The following SH2B2 variants were observed in gnomAD, a reference collection of about 807,000 sequenced individuals.
The protein encoded by SH2B2 is SH2B adaptor protein 2, also known as SH2B adapter protein 2.
SH2B2 carries 37 observed loss-of-function variants against 35.7 expected under a neutral mutation model. That is an observed-to-expected ratio of 1.04 (90% confidence interval 0.80 to 1.36). SH2B2 has a LOEUF of 1.36. Ranked by LOEUF, SH2B2 falls within the 40% of genes most tolerant of loss-of-function variation. The pLI is 0.00. For synonymous variants in SH2B2, 383 were observed against 376.4 expected (o/e 1.02, Z -0.20); for missense variants, 852 against 817.7 (o/e 1.04, Z -0.51).
chr7:102,290,034 C>T (rs556170142), intron 1 of SH2B2, among the ~76,000 whole-genome samples: 1 of 152,190 alleles, frequency 6.6e-6, no homozygotes, highest in South Asian at 2.1e-4. Context: ...CCCCCACTCC[C>T]TGCTTATCTG....
intron 1 of SH2B2, among the ~76,000 whole-genome samples, chr7:102,290,347 CACCACCTCT>C (rs1419105315): frequency 0.57 from 85,715 of 150,740 alleles, 24,370 homozygotes; most frequent in African/African-American, 0.61. Context: ...CTGCAACCTC[CACCACCTCT>C]GGGGTTCAAG....
intron 4 of SH2B2, among the ~76,000 whole-genome samples, chr7:102,313,456 A>G (rs1020865110): frequency 6.6e-5 from 10 of 151,924 alleles, no homozygotes; most frequent in Non-Finnish European, 1.0e-4. Flanking sequence ...CTCAAAACAA[A>G]CAAACAAACA....
rs781830530 is a variant in SH2B2 at position 102,300,577 on chromosome 7, C to A, written c.27C>A (p.Ala9=). The A allele has an allele frequency of 1.3e-6, 2 of 1,549,150 alleles. No homozygotes were observed. The highest frequency in any genetic ancestry group is 1.7e-6 in the Non-Finnish European group (2 of 1,146,490). The change falls in exon 2 of 9, where the codon GCC becomes GCA. Residue 9 remains alanine, a synonymous_variant. Transcript: ENST00000444095. MNGAGPGP[A]AAAPVPVPVP... ...TGAATGGTGCCGGCCCTGGCCCCGC[C>A]GCAGCCGCCCCGGTCCCAGTCCCGG...
chr7:102,293,622 G>T (rs1792785033), intron 1 of SH2B2, among the ~76,000 whole-genome samples: 1 of 152,100 alleles, frequency 6.6e-6, no homozygotes, highest in Admixed American at 6.5e-5. Context: ...CCCTGGCTGG[G>T]CTTCCTTTGT....
At position 102,306,746 on chromosome 7, in the gene SH2B2, C is replaced by T; in HGVS notation, c.755C>T (p.Pro252Leu). The change falls in exon 3 of 9, where the codon CCA becomes CTA. Residue 252 changes from proline (P) to leucine (L), a missense_variant. Pro to Leu is a moderately conservative substitution (Grantham distance 98). Coordinates refer to ENST00000444095, the MANE Select transcript of SH2B2 (RefSeq NM_001359228.2). ...GCCTCCAGGCCCAAGGTCAGCATCC[C>T]ACTGTCAGCCATCATTGAGGTCCGC... is the stretch of plus-strand genomic sequence containing the variant. ...PKASRPKVSI[P>L]LSAIIEVRTT... 1 of 1,599,246 alleles carries T rather than the reference C, an allele frequency of 6.3e-7. No homozygotes were observed. The highest frequency in any genetic ancestry group is 8.5e-7 in the Non-Finnish European group (1 of 1,173,256).
At chr7:102,296,932 T>C (rs1029581807) in intron 1 of SH2B2, among the ~76,000 whole-genome samples, 7 of 151,712 alleles carry the variant, frequency 4.6e-5, no homozygotes, top group Non-Finnish European at 7.4e-5. Flanking sequence ...TAAACTGTGA[T>C]CTCGCCACTG....
At chr7:102,319,773 C>T (rs1554557884) in intron 7 of SH2B2, among the ~76,000 whole-genome samples, 2 of 152,144 alleles carry the variant, frequency 1.3e-5, no homozygotes, top group Admixed American at 1.3e-4. Context: ...GCACCTGCCT[C>T]ACACAGGCCC....
At chr7:102,318,940 G>A (rs193169622) in intron 7 of SH2B2, among the ~76,000 whole-genome samples, 1 of 152,170 alleles carries the variant, frequency 6.6e-6, no homozygotes, top group Non-Finnish European at 1.5e-5. Flanking sequence ...AGGCTAGGAT[G>A]GGGGAACAAA....
At chr7:102,320,803 G>C (rs933529588) in intron 8 of SH2B2, among the ~76,000 whole-genome samples, 5 of 152,166 alleles carry the variant, frequency 3.3e-5, no homozygotes, top group Admixed American at 2.0e-4. Flanking sequence ...TGGGGCAAGT[G>C]GGATGAAAGG....
intron 6 of SH2B2, among the ~76,000 whole-genome samples, chr7:102,316,561 T>C (rs1701579368): frequency 6.7e-6 from 1 of 150,312 alleles, no homozygotes; most frequent in Non-Finnish European, 1.5e-5. Context: ...CATTCCAGCC[T>C]GGGCAACAGA....
At chr7:102,291,022 G>GCAA (rs1347299040) in intron 1 of SH2B2, among the ~76,000 whole-genome samples, 3 of 152,250 alleles carry the variant, frequency 2.0e-5, no homozygotes, top group Non-Finnish European at 4.4e-5. Context: ...TCACTGGGTA[G>GCAA]CAAGGCAGCT....
In SH2B2 at chr7:102,321,366, C is replaced by G; in HGVS notation, c.1635C>G (p.His545Gln). ...PACWSDSPGQ[H>Q]YFSSLAAAAC... ...GCTGGAGCGACTCGCCCGGCCAGCACTACTTCTCCAGCCTCGCCGCGGCCG... is the reference window on the plus strand; with the variant it reads ...GCTGGAGCGACTCGCCCGGCCAGCAGTACTTCTCCAGCCTCGCCGCGGCCG... The change falls in exon 9 of 9, where the codon CAC becomes CAG. Residue 545 changes from histidine (H) to glutamine (Q), a missense_variant. By Grantham distance (24) the His-to-Gln change is conservative. Coordinates refer to ENST00000444095, the MANE Select transcript of SH2B2 (RefSeq NM_001359228.2). 7.0e-7 allele frequency: 1 copy of G among 1,428,728 alleles called. No individual in the cohort carries two copies. The allele number at this position is 1,428,728 out of a possible 1,614,324, so 88.5% of individuals were successfully genotyped here.
chr7:102,306,589 T>G, intron 2 of SH2B2, 132 bp from the exon 3 acceptor site: 1 of 666,580 alleles, frequency 1.5e-6, no homozygotes, highest in Non-Finnish European at 2.7e-6. Flanking sequence ...GAAATGGGGA[T>G]TGGGATACCT....
In SH2B2 at chr7:102,308,894, G is replaced by T; in HGVS notation, c.911G>T (p.Cys304Phe). Residue 304 changes from cysteine (C) to phenylalanine (F), a missense_variant, in exon 4 of 9, where the codon TGC (cysteine) becomes TTC (phenylalanine). By Grantham distance (205) the Cys-to-Phe change is radical (BLOSUM62 -2). Transcript: ENST00000444095. ...TCGTGGGTAGCTGACATCCAGGGCT[G>T]CGTGGACCCCGGGTGAGTGTCCAAG... ...KHSWVADIQG[C>F]VDPGDSEEDT... is the part of the protein sequence containing the mutation. 6.2e-7 allele frequency: 1 copy of T among 1,613,512 alleles called. No individual in the cohort carries two copies. The highest frequency in any genetic ancestry group is 8.5e-7 in the Non-Finnish European group (1 of 1,179,718).
At chr7:102,315,299 T>C (rs981308865) in intron 6 of SH2B2, among the ~76,000 whole-genome samples, 6 of 152,142 alleles carry the variant, frequency 3.9e-5, no homozygotes, top group Admixed American at 3.9e-4. Context: ...GCCAGGAGTT[T>C]GAGACTAGCC....
chr7:102,317,698 C>T (rs781891530), intron 7 of SH2B2, among the ~76,000 whole-genome samples: 1 of 152,206 alleles, frequency 6.6e-6, no homozygotes, highest in Non-Finnish European at 1.5e-5. Context: ...TTTGCAAATC[C>T]TTTCAGCTCC....
chr7:102,310,849 T>A (rs1279748541), intron 4 of SH2B2, among the ~76,000 whole-genome samples: 1 of 152,016 alleles, frequency 6.6e-6, no homozygotes, highest in Non-Finnish European at 1.5e-5. Context: ...ACACCTCATG[T>A]CACAAATCGG....
At chr7:102,306,653 G>T in intron 2 of SH2B2, 68 bp from the exon 3 acceptor site, 1 of 1,163,300 alleles carries the variant, frequency 8.6e-7, no homozygotes, top group South Asian at 1.3e-5. Context: ...ACACCTGGCA[G>T]CGGGGAGGGG....
chr7:102,313,183 A>G (rs1359468107), intron 4 of SH2B2, among the ~76,000 whole-genome samples: 2 of 149,394 alleles, frequency 1.3e-5, no homozygotes, highest in African/African-American at 4.9e-5. Flanking sequence ...GCAGTGGCTC[A>G]CGCCTGTAAT....
Sources: gnomAD v4.1 joint callset for allele counts (sites outside exome capture counted in the v4.1 genomes callset) on GRCh38, gnomAD v4.1.1 for gene constraint, MANE v1.5 for transcripts, NCBI Gene and HGNC (gene_info 2026-07-23, HGNC 2026-07-21) for gene names.